Variants in PRR5L observed in about 807,000 individuals in gnomAD.
PRR5L encodes proline rich 5 like, also known as proline-rich protein 5-like.
A neutral mutation model predicts 36.4 loss-of-function variants in PRR5L; 21 were observed. The ratio of observed to expected loss-of-function variants is 0.58; its 90% CI spans 0.41 to 0.83. The LOEUF (loss-of-function observed/expected upper bound fraction) is 0.83, where lower values mean the gene tolerates loss of function less well. Among genes scored for constraint, PRR5L ranks in the 40% least tolerant of loss-of-function variants. PRR5L has a pLI of 0.00. For synonymous variants in PRR5L, 188 were observed against 197.0 expected, an observed-to-expected ratio of 0.95 and a Z score of 0.38; for missense variants, 381 against 473.3, an observed-to-expected ratio of 0.80 and a Z score of 1.81.
At chr11:36,362,046 G>C (rs1289466516) in intron 1 of PRR5L, 1 of 123,116 alleles carries the variant, frequency 8.1e-6, no homozygotes, top group Non-Finnish European at 1.7e-5. Context: ...TAACAAATGA[G>C]TACATAAAAG....
chr11:36,364,909 C>G (rs1473845601), intron 1 of PRR5L, among the ~76,000 whole-genome samples: 1 of 152,152 alleles, frequency 6.6e-6, no homozygotes, highest in African/African-American at 2.4e-5. Flanking sequence ...CTCTTCCTTC[C>G]TCTAGTGAAC....
At position 36,462,385 on chromosome 11, in the gene PRR5L, C is replaced by T. The variant is rs1460361287; in HGVS notation, c.756C>T (p.Asn252=). 2 of 1,552,308 alleles carry T rather than the reference C, an allele frequency of 1.3e-6. No individual in the cohort carries two copies. Among genetic ancestry groups the T allele is most frequent in the African/African-American group, 2.7e-5 (2 of 73,530 alleles). Residue 252 remains asparagine, a synonymous_variant, in exon 9 of 9, where the codon AAC becomes AAT. Transcript: ENST00000530639. ...SRVRPKVTVL[N]YASPITAVSR... is the part of the protein sequence containing the mutation. ...TCCGGCCCAAGGTGACTGTCCTGAA[C>T]TATGCCTCCCCGATAACCGCAGTCA...
At chr11:36,366,052 A>G (rs768981487) in intron 1 of PRR5L, among the ~76,000 whole-genome samples, 6 of 152,208 alleles carry the variant, frequency 3.9e-5, no homozygotes, top group Admixed American at 3.3e-4. Context: ...GAGAATATTT[A>G]TCTTCCCCAA....
At chr11:36,453,710 G>A (rs758043301) in intron 8 of PRR5L, among the ~76,000 whole-genome samples, 6 of 152,158 alleles carry the variant, frequency 3.9e-5, no homozygotes, top group Non-Finnish European at 5.9e-5. Flanking sequence ...TGTCTCATCA[G>A]TGTACACATG....
chr11:36,397,453 T>C (rs952954912), intron 1 of PRR5L, among the ~76,000 whole-genome samples: 4 of 122,902 alleles, frequency 3.3e-5, no homozygotes, highest in African/African-American at 1.3e-4. Context: ...CTTTTTTTTT[T>C]TTTTTTTTTT....
chr11:36,396,896 G>A (rs1390691563), intron 1 of PRR5L, among the ~76,000 whole-genome samples: 1 of 152,124 alleles, frequency 6.6e-6, no homozygotes. Context: ...CTTTTGATAG[G>A]AAATTTAGTT....
At chr11:36,370,974 T>C (rs1857192626) in intron 1 of PRR5L, among the ~76,000 whole-genome samples, 1 of 152,084 alleles carries the variant, frequency 6.6e-6, no homozygotes, top group African/African-American at 2.4e-5. Context: ...CAAATTTCTT[T>C]TTTCCCTGTT....
chr11:36,376,587 G>T lies in PRR5L; in HGVS notation c.-125-24410G>T, dbSNP rs1385005705. 1.0e-5 allele frequency: 10 copies of T among 990,050 alleles called. No individual in the cohort carries two copies. The African/African-American group carries it at 1.4e-4, about 14-fold the overall frequency. The allele number at this position is 990,050 out of a possible 1,614,324, so 61.3% of individuals were successfully genotyped here. A position where few individuals can be genotyped will look rare whatever the true frequency, so the allele number is the denominator to read the frequency against. On this transcript the variant is annotated intron_variant, in intron 1 of 8. Transcript: ENST00000530639. ...CCATCCAGGTCGCTCATTTCTCTCC[G>T]GTGAGAAAACTTCCTCGGGAAGACC...
chr11:36,407,162 A>G (rs10836552), intron 3 of PRR5L, among the ~76,000 whole-genome samples: 34,809 of 152,052 alleles, frequency 0.23, 5,660 homozygotes, highest in African/African-American at 0.47. Flanking sequence ...AACACAGGCC[A>G]ACGTGATGAA....
At chr11:36,458,096 C>T (rs1859102741) in intron 8 of PRR5L, among the ~76,000 whole-genome samples, 1 of 152,184 alleles carries the variant, frequency 6.6e-6, no homozygotes, top group Admixed American at 6.5e-5. Context: ...GCTGCCAATG[C>T]CTGGTGTATT....
At position 36,431,422 on chromosome 11, in the gene PRR5L, C is replaced by T. The variant is rs554827769; in HGVS notation, c.295-431C>T. On this transcript the variant is annotated intron_variant, in intron 4 of 8. Transcript: ENST00000530639. ...CTGCTTAAGATTTTGCACGCAGTCT[C>T]TTTCATGCTAGTGTGAGAAGCCCTA... Among the ~76,000 whole-genome samples, 5 of 152,180 alleles carry T rather than the reference C, an allele frequency of 3.3e-5. No individual in the cohort carries two copies. The East Asian group carries it at 9.7e-4, about 29-fold the overall frequency.
At chr11:36,434,915 GT>G (rs1858573139) in intron 5 of PRR5L, among the ~76,000 whole-genome samples, 1 of 152,064 alleles carries the variant, frequency 6.6e-6, no homozygotes, top group Non-Finnish European at 1.5e-5. Context: ...CTGCTGCTGG[GT>G]TGCAGAATTA....
chr11:36,460,398 C>T (rs997321697), intron 8 of PRR5L, among the ~76,000 whole-genome samples: 2 of 152,110 alleles, frequency 1.3e-5, no homozygotes, highest in Non-Finnish European at 2.9e-5. Context: ...CGCCCCTCCC[C>T]CAAGTCTGCC....
At chr11:36,394,592 T>C (rs1261918601) in intron 1 of PRR5L, among the ~76,000 whole-genome samples, 1 of 152,208 alleles carries the variant, frequency 6.6e-6, no homozygotes, top group African/African-American at 2.4e-5. Flanking sequence ...CTGCTTCTTT[T>C]CTCTTTCAGC....
chr11:36,315,186 T>C (rs1433138103), intron 1 of PRR5L, among the ~76,000 whole-genome samples: 2 of 152,170 alleles, frequency 1.3e-5, no homozygotes, highest in Non-Finnish European at 2.9e-5. Flanking sequence ...CATTGTAAAA[T>C]GGGGATAGTA....
At chr11:36,419,545 G>A (rs748509148) in intron 4 of PRR5L, among the ~76,000 whole-genome samples, 10 of 152,140 alleles carry the variant, frequency 6.6e-5, no homozygotes, top group African/African-American at 1.4e-4. Context: ...CTTTACACTC[G>A]TAAAACGTAT....
intron 1 of PRR5L, among the ~76,000 whole-genome samples, chr11:36,394,729 A>G (rs1857622373): frequency 1.3e-5 from 2 of 151,936 alleles, no homozygotes; most frequent in South Asian, 2.1e-4. Flanking sequence ...GACACATGTG[A>G]TTGCGTTTAT....
intron 1 of PRR5L, among the ~76,000 whole-genome samples, chr11:36,311,554 A>G (rs1856503115): frequency 6.6e-6 from 1 of 152,268 alleles, no homozygotes; most frequent in Non-Finnish European, 1.5e-5. Flanking sequence ...TATGAAAACT[A>G]TAAGACATTA....
intron 1 of PRR5L, among the ~76,000 whole-genome samples, chr11:36,370,056 C>T (rs1371427382): frequency 6.6e-6 from 1 of 152,156 alleles, no homozygotes; most frequent in Non-Finnish European, 1.5e-5. Flanking sequence ...GCAGTGGTGA[C>T]TTCCCACTGT....
Sources: allele counts gnomAD v4.1 joint callset (sites outside exome capture counted in the v4.1 genomes callset), GRCh38; gene constraint gnomAD v4.1.1; transcripts MANE v1.5; gene names NCBI Gene and HGNC (gene_info 2026-07-23, HGNC 2026-07-21).